The following ERICH5 variants were observed in gnomAD, a reference collection of about 807,000 sequenced individuals.
ERICH5 encodes glutamate-rich protein 5.
In ERICH5, 24 loss-of-function variants were observed where a neutral mutation model predicts 28.0. The observed-to-expected ratio is 0.86, with a 90% CI of 0.62 to 1.21. ERICH5 has a LOEUF of 1.21. ERICH5 is among the 50% of genes most tolerant of loss of function. The probability of loss-of-function intolerance (pLI) is 0.00; values close to 1 mark genes in which losing one functional copy is unlikely to be tolerated. For missense variants in ERICH5, 421 were observed against 441.2 expected, an observed-to-expected ratio of 0.95 and a Z score of 0.41; for synonymous variants, 163 against 157.6, an observed-to-expected ratio of 1.03 and a Z score of -0.25.
At position 98,091,917 on chromosome 8, in the gene ERICH5, C is replaced by CTTT. The variant is rs1278720071; in HGVS notation, c.1013-1302_1013-1301insTTT. On this transcript the variant is annotated intron_variant, in intron 2 of 2. Coordinates refer to ENST00000318528, the MANE Select transcript of ERICH5 (RefSeq NM_173549.3). ...CTTTCTTTCCTTTCTTTCTTTCTTT[C>CTTT]TTCCTTTCTTTCTTTCTTCCTTTCT... Among the ~76,000 whole-genome samples the CTTT allele has an allele frequency of 2.8e-3, 198 of 71,094 alleles. 4 individuals are homozygous for CTTT. Among genetic ancestry groups the CTTT allele is most frequent in the African/African-American group, 0.011 (180 of 17,094 alleles). 46.6% of individuals were successfully genotyped at this position (71,094 alleles called of 152,430 possible).
intron 1 of ERICH5, among the ~76,000 whole-genome samples, chr8:98,070,833 A>G: frequency 6.6e-6 from 1 of 152,082 alleles, no homozygotes; most frequent in East Asian, 1.9e-4. Context: ...AGGAATCAGA[A>G]CCTAATGAAT....
rs1317740461 is a variant in ERICH5 at position 98,089,317 on chromosome 8, C to T, written c.300C>T (p.Ser100=). ...GGGATGCCACAGACCAATCAGGGTC[C>T]ACAGAAAAGACTCAGCCTGGAGAGG... The part of the protein sequence containing the change: ...PGRDATDQSG[S]TEKTQPGEGL... Residue 100 remains serine (S), a synonymous_variant, in exon 2 of 3, where the codon TCC becomes TCT. Coordinates refer to ENST00000318528, the MANE Select transcript of ERICH5 (RefSeq NM_173549.3). 1.2e-6 allele frequency: 2 copies of T among 1,614,232 alleles called. No homozygotes were observed. The highest frequency in any genetic ancestry group is 2.7e-5 in the African/African-American group (2 of 75,050).
chr8:98,074,465 C>T (rs114584198), intron 1 of ERICH5, among the ~76,000 whole-genome samples: 3,576 of 149,092 alleles, frequency 0.024, 148 homozygotes, highest in African/African-American at 0.083. Context: ...ACTCTGTCAC[C>T]CAGGCTGAGT....
Position 98,089,223 on chromosome 8 carries a change from C to T in ERICH5, c.206C>T (p.Ala69Val). Residue 69 changes from alanine to valine, a missense_variant, in exon 2 of 3, where the codon GCA becomes GTA. By Grantham distance (64) the Ala-to-Val change is moderately conservative. Transcript: ENST00000318528. ...CCCTTACAAAAGCTCAAGGTTTCAG[C>T]AGAGCCTACAGCTAATGGTGTTAAA... is the stretch of plus-strand genomic sequence containing the variant. ...RPPLQKLKVS[A>V]EPTANGVKPL... 1 of 1,614,182 alleles carries T rather than the reference C, an allele frequency of 6.2e-7. No homozygotes were observed. Among genetic ancestry groups the T allele is most frequent in the Non-Finnish European group, 8.5e-7 (1 of 1,180,034 alleles).
intron 1 of ERICH5, among the ~76,000 whole-genome samples, chr8:98,076,144 C>T (rs1284863994): frequency 6.6e-6 from 1 of 152,106 alleles, no homozygotes; most frequent in Admixed American, 6.5e-5. Flanking sequence ...GCTTCTGCCT[C>T]CTGAGTTCAA....
intron 1 of ERICH5, among the ~76,000 whole-genome samples, chr8:98,088,395 C>T (rs919595740): frequency 7.2e-5 from 11 of 152,194 alleles, no homozygotes; most frequent in Admixed American, 5.9e-4. Flanking sequence ...TTTCCAAGCT[C>T]ATACAGTTGG....
chr8:98,084,929 C>G (rs1475258728), intron 1 of ERICH5, among the ~76,000 whole-genome samples: 1 of 151,942 alleles, frequency 6.6e-6, no homozygotes, highest in Non-Finnish European at 1.5e-5. Context: ...ATCCCAGTCT[C>G]CAAAGAGCCA....
intron 1 of ERICH5, among the ~76,000 whole-genome samples, chr8:98,068,387 C>G (rs1011515934): frequency 6.6e-6 from 1 of 152,106 alleles, no homozygotes; most frequent in East Asian, 1.9e-4. Context: ...CTCCTCACAG[C>G]GTAGAACAGT....
intron 2 of ERICH5, among the ~76,000 whole-genome samples, chr8:98,090,476 G>C (rs1815364930): frequency 6.6e-6 from 1 of 151,906 alleles, no homozygotes; most frequent in African/African-American, 2.4e-5. Context: ...GAAAATGACT[G>C]TCAGGACAGG....
chr8:98,087,405 T>C (rs1815301935), intron 1 of ERICH5, among the ~76,000 whole-genome samples: 2 of 151,462 alleles, frequency 1.3e-5, no homozygotes. Flanking sequence ...CTCTTTAAAC[T>C]GCATGCACAT....
At chr8:98,066,720 A>G (rs910488092) in intron 1 of ERICH5, among the ~76,000 whole-genome samples, 1 of 152,198 alleles carries the variant, frequency 6.6e-6, no homozygotes, top group Admixed American at 6.6e-5. Flanking sequence ...GAATCAATCA[A>G]CAGGTCTATT....
intron 1 of ERICH5, among the ~76,000 whole-genome samples, chr8:98,070,394 C>G (rs1487986090): frequency 6.6e-6 from 1 of 151,284 alleles, no homozygotes; most frequent in Non-Finnish European, 1.5e-5. Flanking sequence ...CAGTGGCTTA[C>G]CCCTGTAATC....
intron 1 of ERICH5, among the ~76,000 whole-genome samples, chr8:98,079,687 C>G (rs1815137570): frequency 6.6e-6 from 1 of 152,098 alleles, no homozygotes; most frequent in Admixed American, 6.6e-5. Flanking sequence ...TTACAAGCAT[C>G]CACCACCAGC....
chr8:98,065,598 C>T (rs1482276442), intron 1 of ERICH5, among the ~76,000 whole-genome samples: 3 of 152,180 alleles, frequency 2.0e-5, no homozygotes, highest in Non-Finnish European at 4.4e-5. Flanking sequence ...TCGTTTCTGA[C>T]AGTGATAAGT....
chr8:98,074,013 C>T (rs1563753769), intron 1 of ERICH5, among the ~76,000 whole-genome samples: 1 of 151,454 alleles, frequency 6.6e-6, no homozygotes, highest in Non-Finnish European at 1.5e-5. Context: ...GACCTCCCAC[C>T]TTAGCCCAGC....
chr8:98,073,490 ATATATATATATATATATATATATATG>A (rs1814979508), intron 1 of ERICH5, among the ~76,000 whole-genome samples: 1 of 2,744 alleles, frequency 3.6e-4, no homozygotes, highest in Non-Finnish European at 5.9e-4. Flanking sequence ...ATATATGTAT[ATATATATATATATATATATATATATG>A]TATATATATA....
At chr8:98,093,017 G>A (rs1052114225) in intron 2 of ERICH5, among the ~76,000 whole-genome samples, 2 of 152,000 alleles carry the variant, frequency 1.3e-5, no homozygotes, top group Non-Finnish European at 2.9e-5. Flanking sequence ...CAGGCAATCC[G>A]CCTTCCTTGG....
intron 1 of ERICH5, among the ~76,000 whole-genome samples, chr8:98,083,406 C>T (rs1056418575): frequency 5.9e-5 from 9 of 152,088 alleles, no homozygotes; most frequent in African/African-American, 2.2e-4. Flanking sequence ...ACCTTACTTG[C>T]AATTAATTTG....
intron 2 of ERICH5, among the ~76,000 whole-genome samples, chr8:98,091,920 C>CTTTCTTTCCTTTCTTTCTTTCTTT (rs1815408893): frequency 7.5e-5 from 2 of 26,768 alleles, no homozygotes; most frequent in African/African-American, 2.5e-4. Flanking sequence ...TTTCTTTCTT[C>CTTTCTTTCCTTTCTTTCTTTCTTT]CTTTCTTTCT....
Sources: gnomAD v4.1 joint callset for allele counts (sites outside exome capture counted in the v4.1 genomes callset) on GRCh38, gnomAD v4.1.1 for gene constraint, MANE v1.5 for transcripts, NCBI Gene and HGNC (gene_info 2026-07-23, HGNC 2026-07-21) for gene names.